The following PLSCR5 variants were observed in gnomAD, a reference collection of about 807,000 sequenced individuals.
PLSCR5 encodes the protein phospholipid scramblase family member 5, also known as phospholipid scramblase family, member 5.
Under a neutral mutation model 33.6 loss-of-function variants are expected in PLSCR5, and 44 were observed. The ratio of observed to expected loss-of-function variants is 1.31; its 90% CI spans 1.03 to 1.69. The LOEUF (loss-of-function observed/expected upper bound fraction) is 1.69, where lower values mean the gene tolerates loss of function less well. Ranked by LOEUF, PLSCR5 falls within the 40% of genes most tolerant of loss-of-function variation. PLSCR5 has a pLI of 0.00. For missense variants in PLSCR5, 375 were observed against 318.7 expected, an observed-to-expected ratio of 1.18 and a Z score of -1.34; for synonymous variants, 148 against 112.3, an observed-to-expected ratio of 1.32 and a Z score of -2.01.
In PLSCR5 at chr3:146,605,187, T is replaced by C. The variant is rs1447428307; in HGVS notation, c.13+13A>G. The C allele has an allele frequency of 1.2e-6, 2 of 1,607,880 alleles. No homozygotes were observed. The highest frequency in any genetic ancestry group is 1.7e-6 in the Non-Finnish European group (2 of 1,175,948). On this transcript the variant is annotated intron_variant, in intron 1 of 7. Transcript: ENST00000443512. ...ATAAGAAAAAGTTATTAGTTGGTTATATTTACTCTTACCTTTAGAGGCCAT... is the reference window on the plus strand; with the variant it reads ...ATAAGAAAAAGTTATTAGTTGGTTACATTTACTCTTACCTTTAGAGGCCAT...
rs370475661 is a variant in PLSCR5, at chr3:146,593,038, C to T, written c.453+882G>A. Among the ~76,000 whole-genome samples the T allele has an allele frequency of 1.1e-4, 16 of 152,170 alleles. 1 individual carries two copies. In the South Asian group the frequency reaches 3.3e-3, roughly 32 times the overall value. ...TTGATATATGTTATTAGAAACTTCC[C>T]TAAATAACCATCTTTCATATTAATA... On this transcript the variant is annotated intron_variant, in intron 4 of 7. Transcript: ENST00000443512.
At chr3:146,578,388 A>G (rs1338320855) in intron 7 of PLSCR5, among the ~76,000 whole-genome samples, 5 of 152,176 alleles carry the variant, frequency 3.3e-5, no homozygotes, top group Non-Finnish European at 5.9e-5. Flanking sequence ...CTTTCTAAAT[A>G]GAAAGAGTAC....
Position 146,600,477 on chromosome 3 carries a change from GA to G in PLSCR5, c.14-15del. The G allele has an allele frequency of 6.4e-7, 1 of 1,559,538 alleles. No homozygotes were observed. Among genetic ancestry groups the G allele is most frequent in the African/African-American group, 1.4e-5 (1 of 72,960 alleles). On this transcript the variant is annotated splice_polypyrimidine_tract_variant and intron_variant, in intron 1 of 7. Transcript: ENST00000443512. The stretch of plus-strand genomic sequence containing the variant: ...GGTTCTGGGCATCTGCAAGAGAATG[GA>G]AATCCCAATCCATATTTAAATTTAG...
chr3:146,597,114 A>G (rs898240479), intron 2 of PLSCR5, among the ~76,000 whole-genome samples: 1 of 152,190 alleles, frequency 6.6e-6, no homozygotes, highest in Non-Finnish European at 1.5e-5. Flanking sequence ...AGGTACTTTG[A>G]ATACTGTTGT....
At chr3:146,590,977 C>T (rs944910962) in intron 5 of PLSCR5, among the ~76,000 whole-genome samples, 46 of 147,246 alleles carry the variant, frequency 3.1e-4, no homozygotes, top group Admixed American at 1.2e-3. Flanking sequence ...TATACAAATA[C>T]GAGAATAAGG....
At chr3:146,592,460 T>C (rs1171069530) in intron 4 of PLSCR5, among the ~76,000 whole-genome samples, 1 of 152,124 alleles carries the variant, frequency 6.6e-6, no homozygotes, top group Non-Finnish European at 1.5e-5. Flanking sequence ...TTTTGCATTA[T>C]CCGGCATTAC....
downstream of PLSCR5, among the ~76,000 whole-genome samples, chr3:146,583,335 A>C (rs1417914635): frequency 6.6e-6 from 1 of 152,196 alleles, no homozygotes; most frequent in Non-Finnish European, 1.5e-5. Context: ...TGAATGAATG[A>C]ATGAGAGTTG....
chr3:146,601,124 A>T (rs930189288), intron 1 of PLSCR5, among the ~76,000 whole-genome samples: 1 of 151,528 alleles, frequency 6.6e-6, no homozygotes, highest in Non-Finnish European at 1.5e-5. Context: ...ATTTTTAGAG[A>T]AGACATCTGT....
At chr3:146,576,996 A>T (rs181821319) in intron 7 of PLSCR5, among the ~76,000 whole-genome samples, 3,366 of 149,784 alleles carry the variant, frequency 0.022, 140 homozygotes, top group African/African-American at 0.077. Flanking sequence ...GTCTTTTTTT[A>T]AAAAAAAGAA....
intron 4 of PLSCR5, among the ~76,000 whole-genome samples, chr3:146,592,949 C>G (rs780575891): frequency 2.6e-5 from 4 of 152,084 alleles, no homozygotes; most frequent in Non-Finnish European, 4.4e-5. Flanking sequence ...GCTCCATGCA[C>G]GAGCACTTCA....
chr3:146,602,018 T>C (rs988724884), intron 1 of PLSCR5, among the ~76,000 whole-genome samples: 10 of 152,158 alleles, frequency 6.6e-5, no homozygotes, highest in African/African-American at 2.2e-4. Flanking sequence ...CTGTGATATT[T>C]AGAATGTAGA....
Position 146,591,838 on chromosome 3 carries a change from G to T in PLSCR5, c.497C>A (p.Thr166Lys), listed in dbSNP as rs372370688. The stretch of plus-strand genomic sequence containing the variant: ...AGGCAGAAAGGGGTCCCACTTCTGC[G>T]TAACGTAACCAACTATAGTACCAGG... ...APPGTIVGYV[T>K]QKWDPFLPKF... The change falls in exon 5 of 8, where the codon ACG becomes AAG. Residue 166 changes from threonine (T) to lysine (K), a missense_variant. Transcript: ENST00000443512. The T allele has an allele frequency of 2.5e-6, 4 of 1,611,598 alleles. No homozygotes were observed. Among genetic ancestry groups the T allele is most frequent in the Non-Finnish European group, 3.4e-6 (4 of 1,178,518 alleles).
At chr3:146,590,017 G>T (rs2044700621) in intron 5 of PLSCR5, 3 of 386,708 alleles carry the variant, frequency 7.8e-6, no homozygotes, top group Non-Finnish European at 1.4e-5. Context: ...TTGCTTTTTT[G>T]ACAGTTTTCT....
chr3:146,600,756 T>A (rs1849163), intron 1 of PLSCR5, among the ~76,000 whole-genome samples: 59,322 of 149,154 alleles, frequency 0.4, 11,855 homozygotes, highest in East Asian at 0.57. Flanking sequence ...ATATATATAA[T>A]TACTTGCATA....
rs201525991 is a variant in PLSCR5, at chr3:146,591,865, G to A, written c.470C>T (p.Pro157Leu). 4.2e-5 allele frequency: 67 copies of A among 1,605,546 alleles called. 1 individual carries two copies. The East Asian group carries it at 1.3e-3, about 30-fold the overall frequency. The change falls in exon 5 of 8, where the codon CCT (proline) becomes CTT (leucine). Residue 157 changes from proline (P) to leucine (L), a missense_variant. By Grantham distance (98) the Pro-to-Leu change is moderately conservative (BLOSUM62 -3). Transcript: ENST00000443512. ...AACGTAACCAACTATAGTACCAGGA[G>A]GGGCTTGGATTTCTAACTGTAAGAA... is the stretch of plus-strand genomic sequence containing the variant. ...CYLQELEIQA[P>L]PGTIVGYVTQ...
At chr3:146,581,513 G>A (rs1253305037), downstream of PLSCR5, among the ~76,000 whole-genome samples, 1 of 152,176 alleles carries the variant, frequency 6.6e-6, no homozygotes, top group Non-Finnish European at 1.5e-5. Context: ...TTAGAGCAGG[G>A]ACAATGTACC....
At chr3:146,583,598 T>C (rs1414221041), downstream of PLSCR5, among the ~76,000 whole-genome samples, 1 of 152,212 alleles carries the variant, frequency 6.6e-6, no homozygotes, top group African/African-American at 2.4e-5. Context: ...AGAAGATCAA[T>C]TTTACCTTTA....
chr3:146,582,312 C>T (rs1274058718), downstream of PLSCR5, among the ~76,000 whole-genome samples: 1 of 152,178 alleles, frequency 6.6e-6, no homozygotes, highest in East Asian at 1.9e-4. Flanking sequence ...CTTGCCCAGA[C>T]ATGTCTGCAA....
intron 7 of PLSCR5, among the ~76,000 whole-genome samples, chr3:146,577,994 C>T (rs1443414578): frequency 6.6e-6 from 1 of 152,022 alleles, no homozygotes; most frequent in Non-Finnish European, 1.5e-5. Context: ...CTACAGCTAG[C>T]TTTCAACATA....
Sources: allele counts gnomAD v4.1 joint callset (sites outside exome capture counted in the v4.1 genomes callset), GRCh38; gene constraint gnomAD v4.1.1; transcripts MANE v1.5; gene names NCBI Gene and HGNC (gene_info 2026-07-23, HGNC 2026-07-21).